The following MARK2 variants were observed in gnomAD, a reference collection of about 807,000 sequenced individuals.
MARK2 encodes the protein microtubule affinity regulating kinase 2.
MARK2 carries 16 observed loss-of-function variants against 89.8 expected under a neutral mutation model. That is an observed-to-expected ratio of 0.18 (90% CI 0.12 to 0.27). MARK2 has a LOEUF of 0.27. Ranked by LOEUF, MARK2 falls within the 10% of genes least tolerant of loss-of-function variation. MARK2 has a pLI of 1.00. For synonymous variants in MARK2, 382 were observed against 399.5 expected, an observed-to-expected ratio of 0.96 and a Z score of 0.52; for missense variants, 621 against 1,049.9, an observed-to-expected ratio of 0.59 and a Z score of 5.65.
chr11:63,887,878 G>A (rs1443979495), intron 1 of MARK2, among the ~76,000 whole-genome samples: 2 of 152,154 alleles, frequency 1.3e-5, no homozygotes, highest in South Asian at 2.1e-4. Context: ...GTAAGGCAGG[G>A]GATTGGTGAC....
At chr11:63,854,198 G>A (rs1397819022) in intron 1 of MARK2, among the ~76,000 whole-genome samples, 2 of 145,002 alleles carry the variant, frequency 1.4e-5, no homozygotes, top group Non-Finnish European at 3.0e-5. Context: ...GTGTGTGTGT[G>A]TGTGTGTGTG....
intron 1 of MARK2, among the ~76,000 whole-genome samples, chr11:63,894,045 T>C (rs907739890): frequency 6.6e-6 from 1 of 152,238 alleles, no homozygotes; most frequent in Non-Finnish European, 1.5e-5. Flanking sequence ...CTGGTAGTTG[T>C]AGCTTCTGCT....
rs993885562 is a variant in MARK2 at position 63,910,664 on chromosome 11, TTTGA to T, written c.*1430_*1433del. On this transcript the variant is annotated 3_prime_UTR_variant, in exon 19 of 19. Transcript: ENST00000402010. Reference sequence around the variant, plus strand: ...ATTATTTTATTTTATTTTTTTTTTTTTTGATTTATGATGACTCCACCCCTCTTCA... The same window carrying T: ...ATTATTTTATTTTATTTTTTTTTTTTTTTATGATGACTCCACCCCTCTTCA... 1.1e-4 allele frequency: 17 copies of T among 150,922 alleles called. No individual in the cohort carries two copies. The highest frequency in any genetic ancestry group is 4.1e-4 in the African/African-American group (17 of 41,200). 9.3% of individuals were successfully genotyped at this position (150,922 alleles called of 1,614,324 possible).
chr11:63,877,496 TGAGAG>T (rs1288552744), intron 1 of MARK2, among the ~76,000 whole-genome samples: 2 of 151,924 alleles, frequency 1.3e-5, no homozygotes, highest in Non-Finnish European at 1.5e-5. Flanking sequence ...GCCTATCACT[TGAGAG>T]GAGCTTGGGC....
chr11:63,841,319 G>C (rs2016005123), intron 1 of MARK2, among the ~76,000 whole-genome samples: 1 of 152,194 alleles, frequency 6.6e-6, no homozygotes, highest in South Asian at 2.1e-4. Context: ...GTTTTTCTCT[G>C]CAGGGTTGAC....
Position 63,902,764 on chromosome 11 carries a change from C to A in MARK2, c.1398C>A (p.Thr466=), listed in dbSNP as rs1354328386. 5 of 1,612,556 alleles carry A rather than the reference C, an allele frequency of 3.1e-6. No homozygotes were observed. Among genetic ancestry groups the A allele is most frequent in the Non-Finnish European group, 4.2e-6 (5 of 1,179,538 alleles). The change falls in exon 13 of 19, where the codon ACC becomes ACA. Residue 466 remains threonine, a synonymous_variant. Transcript: ENST00000402010. This position sits in a 1 kb window ranked among gnomAD's most constrained non-coding sequence, Gnocchi z 4.2. ...TGCCCGGTCTGGAGAGGAAGAAGACCACCCCAACCCCCTCCACGGTGAGCC... is the reference window on the plus strand; with the variant it reads ...TGCCCGGTCTGGAGAGGAAGAAGACAACCCCAACCCCCTCCACGGTGAGCC... The part of the protein sequence containing the change: ...SPLPGLERKK[T]TPTPSTNSVL...
intron 1 of MARK2, among the ~76,000 whole-genome samples, chr11:63,855,321 C>G (rs929715292): frequency 6.6e-6 from 1 of 152,086 alleles, no homozygotes; most frequent in Non-Finnish European, 1.5e-5. Context: ...AAGTTCAAGA[C>G]CAGCCTCTGC....
At chr11:63,840,228 G>A (rs2015939975) in intron 1 of MARK2, among the ~76,000 whole-genome samples, 1 of 152,128 alleles carries the variant, frequency 6.6e-6, no homozygotes, top group Non-Finnish European at 1.5e-5. Context: ...GGAGCTCCCT[G>A]GATCCTGGCG....
intron 1 of MARK2, among the ~76,000 whole-genome samples, chr11:63,850,589 T>G (rs535098820): frequency 6.6e-6 from 1 of 152,126 alleles, no homozygotes; most frequent in South Asian, 2.1e-4. Context: ...ATAGTTTTCT[T>G]GATTAAAGAA....
At chr11:63,866,862 A>G (rs1938164792) in intron 1 of MARK2, among the ~76,000 whole-genome samples, 1 of 152,164 alleles carries the variant, frequency 6.6e-6, no homozygotes, top group African/African-American at 2.4e-5. Flanking sequence ...TTTACCCCCC[A>G]GGCTCTGATT....
chr11:63,906,039 T>TC, intron 16 of MARK2, 49 bp from the exon 17 acceptor site: 1 of 1,354,608 alleles, frequency 7.4e-7, no homozygotes, highest in Non-Finnish European at 9.5e-7. Context: ...TTGTTGGTTT[T>TC]TTTTTTATTT....
intron 1 of MARK2, among the ~76,000 whole-genome samples, chr11:63,892,020 G>A (rs1459066591): frequency 6.6e-6 from 1 of 152,232 alleles, no homozygotes; most frequent in Non-Finnish European, 1.5e-5. Context: ...TGCAGACACT[G>A]TTTGAGGACC....
Position 63,910,142 on chromosome 11 carries a change from G to C in MARK2, c.*905G>C, listed in dbSNP as rs1590726587. 6.6e-6 allele frequency: 1 copy of C among 152,394 alleles called. No individual in the cohort carries two copies. Among genetic ancestry groups the C allele is most frequent in the African/African-American group, 2.4e-5 (1 of 41,460 alleles). 9.4% of individuals were successfully genotyped at this position (152,394 alleles called of 1,614,324 possible). A position where few individuals can be genotyped will look rare whatever the true frequency, so the allele number is the denominator to read the frequency against. ...TCCCCAGGGGGCCGCTTGGGCTGTT[G>C]GTCTCCAGAGCAGGGCCACTGGGCA... On this transcript the variant is annotated 3_prime_UTR_variant, in exon 19 of 19. Coordinates refer to ENST00000402010, the MANE Select transcript of MARK2 (RefSeq NM_001039469.3).
chr11:63,905,136 C>T (rs1177073587), intron 16 of MARK2, 93 bp downstream of exon 16: 4 of 1,390,382 alleles, frequency 2.9e-6, no homozygotes, highest in East Asian at 4.6e-5. Context: ...GGGTTTGGGA[C>T]ACTCTGTACC....
intron 1 of MARK2, among the ~76,000 whole-genome samples, chr11:63,843,092 T>A (rs2016103322): frequency 6.6e-6 from 1 of 152,220 alleles, no homozygotes; most frequent in African/African-American, 2.4e-5. Flanking sequence ...AGCCATAGAC[T>A]TCCTGCTTTT....
intron 1 of MARK2, among the ~76,000 whole-genome samples, chr11:63,886,282 A>G (rs544908571): frequency 7.2e-5 from 11 of 152,118 alleles, no homozygotes; most frequent in East Asian, 1.9e-4. Flanking sequence ...CCATGGCACC[A>G]TGCCTGGCTA....
In MARK2 at chr11:63,902,110, G is replaced by A. The variant is rs1415265377; in HGVS notation, c.1102-88G>A. ...TGATCCTGGGGTGTTTGAGTGTTGG[G>A]AGAGGGCGGTATGTGTAAATGTGTC... On this transcript the variant is annotated intron_variant, in intron 11 of 18. Coordinates refer to ENST00000402010, the MANE Select transcript of MARK2 (RefSeq NM_001039469.3). This position sits in a 1 kb window ranked among gnomAD's most constrained non-coding sequence, Gnocchi z 4.2. 5.5e-6 allele frequency: 8 copies of A among 1,447,438 alleles called. No individual in the cohort carries two copies. Among genetic ancestry groups the A allele is most frequent in the Non-Finnish European group, 5.7e-6 (6 of 1,051,198 alleles). The allele number at this position is 1,447,438 out of a possible 1,614,324, so 89.7% of individuals were successfully genotyped here. A position where few individuals can be genotyped will look rare whatever the true frequency, so the allele number is the denominator to read the frequency against.
chr11:63,889,016 C>T (rs1361337130), intron 1 of MARK2: 1 of 1,291,982 alleles, frequency 7.7e-7, no homozygotes, highest in Non-Finnish European at 1.0e-6. Flanking sequence ...TTTCTTTCCT[C>T]TCATCTCAAA....
intron 1 of MARK2, among the ~76,000 whole-genome samples, chr11:63,853,900 T>C (rs892848419): frequency 6.6e-6 from 1 of 152,064 alleles, no homozygotes; most frequent in Non-Finnish European, 1.5e-5. Flanking sequence ...TGAAACAGAG[T>C]CTCACTCTGT....
Sources: gnomAD v4.1 joint callset for allele counts (sites outside exome capture counted in the v4.1 genomes callset) on GRCh38, gnomAD v4.1.1 for gene constraint, Gnocchi (gnomAD v3.1) non-coding constraint, MANE v1.5 for transcripts, NCBI Gene and HGNC (gene_info 2026-07-23, HGNC 2026-07-21) for gene names.